The following EXD3 variants were observed in gnomAD, a reference collection of about 807,000 sequenced individuals.
The protein encoded by EXD3 is exonuclease 3'-5' domain containing 3.
A neutral mutation model predicts 98.0 loss-of-function variants in EXD3; 92 were observed. The ratio of observed to expected loss-of-function variants is 0.94; its 90% CI spans 0.79 to 1.12. The LOEUF is 1.12. EXD3 is among the 50% of genes most tolerant of loss of function. The pLI, the probability that EXD3 is intolerant of heterozygous loss-of-function variation, is 0.00. For missense variants in EXD3, 1,222 were observed against 1,191.6 expected (o/e 1.03, Z -0.38); for synonymous variants, 569 against 526.0 (o/e 1.08, Z -1.12).
chr9:137,387,071 C>T (rs549789356), intron 2 of EXD3, among the ~76,000 whole-genome samples: 1 of 151,280 alleles, frequency 6.6e-6, no homozygotes, highest in African/African-American at 2.4e-5. Flanking sequence ...CCGTGCTTGG[C>T]CCCCGGCCCT....
chr9:137,372,783 C>T lies in EXD3; in HGVS notation c.462+122G>A, dbSNP rs1835697923. 1.2e-5 allele frequency: 13 copies of T among 1,055,948 alleles called. No individual in the cohort carries two copies. The South Asian group carries it at 1.9e-4, about 15-fold the overall frequency. The allele number at this position is 1,055,948 out of a possible 1,614,324, so 65.4% of individuals were successfully genotyped here. A position where few individuals can be genotyped will look rare whatever the true frequency, so the allele number is the denominator to read the frequency against. ...GCTGCCCACGGCCGGGTCCTTGATA[C>T]CTCCATGTAGACCAGAAGCCCCAAA... On this transcript the variant is annotated intron_variant, in intron 5 of 21. Coordinates refer to ENST00000340951, the MANE Select transcript of EXD3 (RefSeq NM_017820.5).
chr9:137,330,125 AGGAGCTACACAGGAACTACACC>A (rs1832938151), intron 17 of EXD3, among the ~76,000 whole-genome samples: 3 of 121,266 alleles, frequency 2.5e-5, no homozygotes, highest in Non-Finnish European at 5.5e-5. Context: ...GGAGCTACAC[AGGAGCTACACAGGAACTACACC>A]GGAGCTACAC....
intron 3 of EXD3, among the ~76,000 whole-genome samples, chr9:137,375,352 CAGCTCTAGTGAGTTCT>C (rs1282041726): frequency 1.8e-4 from 27 of 150,864 alleles, no homozygotes; most frequent in Admixed American, 5.9e-4. Flanking sequence ...TAGTGAGTTC[CAGCTCTAGTGAGTTCT>C]AGCTCTAGTG....
chr9:137,391,487 C>T (rs1345240795), intron 2 of EXD3, among the ~76,000 whole-genome samples: 9 of 152,190 alleles, frequency 5.9e-5, no homozygotes, highest in South Asian at 2.1e-4. Context: ...TGGGGAGGAG[C>T]GGCGGATGTG....
Position 137,356,367 on chromosome 9 carries a change from G to A in EXD3, c.658C>T (p.Arg220Trp), listed in dbSNP as rs761128296. The change falls in exon 8 of 22, where the codon CGG becomes TGG. Residue 220 changes from arginine (R) to tryptophan (W), a missense_variant and splice_region_variant. Coordinates refer to ENST00000340951, the MANE Select transcript of EXD3 (RefSeq NM_017820.5). ...PGFDIKDVAR[R>W]YPEVTSLSLE... Reference sequence around the variant, plus strand: ...CTCAAGGAGGTCACCTCAGGGTACCGTCTGTGGGGAGAGAGAGGCACAGCC... The same window carrying A: ...CTCAAGGAGGTCACCTCAGGGTACCATCTGTGGGGAGAGAGAGGCACAGCC... 6.3e-7 allele frequency: 1 copy of A among 1,581,136 alleles called. No homozygotes were observed. Among genetic ancestry groups the A allele is most frequent in the Non-Finnish European group, 8.6e-7 (1 of 1,159,816 alleles).
chr9:137,373,724 C>A (rs965457512), intron 3 of EXD3, 125 bp from the exon 4 acceptor site: 4 of 1,098,474 alleles, frequency 3.6e-6, no homozygotes, highest in Admixed American at 2.9e-5. Flanking sequence ...GCCATTCAGC[C>A]GCCATCTGCG....
chr9:137,411,508 T>C (rs1837997073), intron 1 of EXD3, among the ~76,000 whole-genome samples: 1 of 151,062 alleles, frequency 6.6e-6, no homozygotes, highest in South Asian at 2.1e-4. Flanking sequence ...CGCCCTCAAG[T>C]AGGACCCAAA....
intron 17 of EXD3, among the ~76,000 whole-genome samples, chr9:137,328,135 C>T (rs912503844): frequency 5.5e-4 from 74 of 134,808 alleles, no homozygotes; most frequent in Admixed American, 7.5e-4. Context: ...GTAAAAACAA[C>T]GAATAAACAC....
At chr9:137,361,469 C>T (rs1353057392) in intron 7 of EXD3, among the ~76,000 whole-genome samples, 2 of 84,854 alleles carry the variant, frequency 2.4e-5, no homozygotes, top group African/African-American at 6.5e-5. Context: ...AAAGTTAGGC[C>T]GGGCACTGTG....
intron 1 of EXD3, among the ~76,000 whole-genome samples, chr9:137,417,668 A>G (rs2131843155): frequency 6.6e-6 from 1 of 152,208 alleles, no homozygotes; most frequent in Admixed American, 6.5e-5. Context: ...CGCGGCCACC[A>G]CGCGGCGGAG....
Position 137,393,384 on chromosome 9 carries a change from G to A in EXD3, c.55+1919C>T. ...CGCAGATGGCCTCAGAGGAGGCGGT[G>A]GATGAACGGAAGGGTGAGGGGGTCT... On this transcript the variant is annotated intron_variant, in intron 2 of 21. Transcript: ENST00000340951. This position sits in a 1 kb window ranked among gnomAD's most constrained non-coding sequence, Gnocchi z 4.6. 3.1e-6 allele frequency: 2 copies of A among 638,956 alleles called. No individual in the cohort carries two copies. Among genetic ancestry groups the A allele is most frequent in the South Asian group, 1.7e-5 (1 of 57,794 alleles). The allele number at this position is 638,956 out of a possible 1,614,324, so 39.6% of individuals were successfully genotyped here.
intron 3 of EXD3, among the ~76,000 whole-genome samples, chr9:137,379,148 TG>T (rs1836081465): frequency 1.2e-5 from 1 of 83,468 alleles, no homozygotes; most frequent in Non-Finnish European, 2.3e-5. Flanking sequence ...ACAGGGTTTG[TG>T]GGTGACGGTG....
chr9:137,343,323 GCTT>G (rs1833744407), intron 17 of EXD3: 1 of 152,124 alleles, frequency 6.6e-6, no homozygotes, highest in Non-Finnish European at 1.5e-5. Flanking sequence ...GGGAATAAGG[GCTT>G]CTTCTGGGCC....
At chr9:137,364,959 G>A (rs1835148967) in intron 7 of EXD3, among the ~76,000 whole-genome samples, 1 of 151,592 alleles carries the variant, frequency 6.6e-6, no homozygotes, top group Non-Finnish European at 1.5e-5. Context: ...TAGTAGAAAC[G>A]GGGTTTCACT....
At chr9:137,413,860 C>A (rs1472382076) in intron 1 of EXD3, among the ~76,000 whole-genome samples, 1 of 151,498 alleles carries the variant, frequency 6.6e-6, no homozygotes, top group East Asian at 1.9e-4. Context: ...CTCTGTGAAT[C>A]TTTCTATTTT....
intron 1 of EXD3, among the ~76,000 whole-genome samples, chr9:137,404,038 G>A (rs1480133841): frequency 1.3e-5 from 2 of 152,064 alleles, no homozygotes; most frequent in Non-Finnish European, 2.9e-5. Flanking sequence ...TGGGTGGGGA[G>A]GGTGGGCCCC....
rs1351693999 is a variant in EXD3, at chr9:137,373,445, G to C, written c.275C>G (p.Pro92Arg). ...HQLQCWLQAQPCPSLAQHSLR... is the reference protein window; with the variant it reads ...HQLQCWLQAQRCPSLAQHSLR... ...GCTCACCTGGGCCAGGCTCGGGCAT[G>C]GCTGTGCCTGTAGCCAGCACTGCAG... Residue 92 changes from proline to arginine, a missense_variant, in exon 4 of 22, where the codon CCA becomes CGA. Transcript: ENST00000340951. 6.2e-7 allele frequency: 1 copy of C among 1,608,530 alleles called. No homozygotes were observed. Among genetic ancestry groups the C allele is most frequent in the South Asian group, 1.1e-5 (1 of 90,762 alleles).
intron 19 of EXD3, among the ~76,000 whole-genome samples, chr9:137,320,848 C>T (rs543887668): frequency 6.6e-6 from 1 of 152,226 alleles, no homozygotes; most frequent in South Asian, 2.1e-4. Context: ...CGATTCTGAA[C>T]AGCTCATTAA....
chr9:137,374,770 A>G (rs1835810753), intron 3 of EXD3: 1 of 985,376 alleles, frequency 1.0e-6, no homozygotes, highest in African/African-American at 1.7e-5. Context: ...GACTCTGGGA[A>G]GAAAAGGAAA....
Sources: allele counts gnomAD v4.1 joint callset (sites outside exome capture counted in the v4.1 genomes callset), GRCh38; gene constraint gnomAD v4.1.1; non-coding constraint Gnocchi (gnomAD v3.1); transcripts MANE v1.5; gene names NCBI Gene and HGNC (gene_info 2026-07-23, HGNC 2026-07-21).